Variants in TINAG observed in about 807,000 individuals in gnomAD.
TINAG encodes the protein tubulointerstitial nephritis antigen.
Under a neutral mutation model 72.7 loss-of-function variants are expected in TINAG, and 83 were observed. That is an observed-to-expected ratio of 1.14 (90% CI 0.96 to 1.37). The LOEUF is 1.37. Ranked by LOEUF, TINAG falls within the 40% of genes most tolerant of loss-of-function variation. The probability of loss-of-function intolerance (pLI) is 0.00; values close to 1 mark genes in which losing one functional copy is unlikely to be tolerated. For missense variants in TINAG, 685 were observed against 576.6 expected, an observed-to-expected ratio of 1.19 and a Z score of -1.93; for synonymous variants, 234 against 189.9, an observed-to-expected ratio of 1.23 and a Z score of -1.91.
chr6:54,376,502 T>C (rs916879443), intron 9 of TINAG, among the ~76,000 whole-genome samples: 1 of 152,134 alleles, frequency 6.6e-6, no homozygotes, highest in Non-Finnish European at 1.5e-5. Context: ...TCACTGGGTG[T>C]ATGGGCCTCA....
Position 54,347,535 on chromosome 6 carries a change from A to G in TINAG, c.899+18A>G, listed in dbSNP as rs757599327. The G allele has an allele frequency of 1.9e-6, 3 of 1,610,088 alleles. No individual in the cohort carries two copies. The highest frequency in any genetic ancestry group is 2.5e-6 in the Non-Finnish European group (3 of 1,177,892). ...AAACGTGGGTAAATAGCTGCTCAAC[A>G]TGTGTTTCTAGGATTTTTATGAATG... On this transcript the variant is annotated intron_variant, in intron 6 of 10. Coordinates refer to ENST00000259782, the MANE Select transcript of TINAG (RefSeq NM_014464.4).
At chr6:54,311,036 A>G (rs1244213289) in intron 1 of TINAG, among the ~76,000 whole-genome samples, 2 of 144,172 alleles carry the variant, frequency 1.4e-5, no homozygotes, top group Non-Finnish European at 3.0e-5. Context: ...TTTATGAGCC[A>G]TTCCCATCTT....
At chr6:54,331,540 A>C (rs1784742072) in intron 4 of TINAG, among the ~76,000 whole-genome samples, 2 of 152,216 alleles carry the variant, frequency 1.3e-5, no homozygotes, top group Non-Finnish European at 2.9e-5. Context: ...TCCCTTCGAA[A>C]ACTGGCCCAA....
chr6:54,332,343 A>G (rs1784761330), intron 4 of TINAG, among the ~76,000 whole-genome samples: 1 of 152,162 alleles, frequency 6.6e-6, no homozygotes, highest in African/African-American at 2.4e-5. Flanking sequence ...TCTTTGACAA[A>G]CCTGACAAAA....
intron 3 of TINAG, among the ~76,000 whole-genome samples, chr6:54,323,788 T>A (rs911536624): frequency 6.6e-6 from 1 of 152,132 alleles, no homozygotes; most frequent in African/African-American, 2.4e-5. Flanking sequence ...ACCCCATCTC[T>A]ACCAGAAATA....
chr6:54,383,125 A>G (rs1392667411), intron 10 of TINAG, among the ~76,000 whole-genome samples: 1 of 152,154 alleles, frequency 6.6e-6, no homozygotes, highest in Admixed American at 6.6e-5. Context: ...TTATCCCTTC[A>G]GATCAGATCA....
At chr6:54,343,903 TA>T (rs1482659437) in intron 5 of TINAG, among the ~76,000 whole-genome samples, 1 of 152,174 alleles carries the variant, frequency 6.6e-6, no homozygotes. Context: ...GAATAGCTTC[TA>T]AATTAAGTCT....
chr6:54,318,447 C>A (rs144710127), intron 1 of TINAG, among the ~76,000 whole-genome samples: 1 of 152,194 alleles, frequency 6.6e-6, no homozygotes, highest in African/African-American at 2.4e-5. Context: ...AGATTCAATC[C>A]ATGAGTGATT....
intron 1 of TINAG, among the ~76,000 whole-genome samples, chr6:54,319,864 T>C (rs565303377): frequency 6.6e-6 from 1 of 152,290 alleles, no homozygotes; most frequent in African/African-American, 2.4e-5. Flanking sequence ...GAGCAGATTA[T>C]ATTTTCAAAA....
At chr6:54,357,410 A>T (rs962009079) in intron 9 of TINAG, among the ~76,000 whole-genome samples, 1 of 151,944 alleles carries the variant, frequency 6.6e-6, no homozygotes, top group Non-Finnish European at 1.5e-5. Flanking sequence ...CCTGAACTCC[A>T]GACTCATACA....
intron 9 of TINAG, among the ~76,000 whole-genome samples, chr6:54,379,009 G>A (rs946116583): frequency 1.3e-5 from 2 of 151,944 alleles, no homozygotes; most frequent in Non-Finnish European, 2.9e-5. Flanking sequence ...ATTCTATTCT[G>A]TGCCCTATTA....
intron 9 of TINAG, among the ~76,000 whole-genome samples, chr6:54,357,747 G>T (rs958191225): frequency 2.6e-5 from 4 of 151,898 alleles, no homozygotes; most frequent in Admixed American, 2.0e-4. Flanking sequence ...CTGTTATTTT[G>T]TACCTGGATT....
intron 10 of TINAG, among the ~76,000 whole-genome samples, chr6:54,382,853 C>T (rs750412986): frequency 6.6e-6 from 1 of 152,016 alleles, no homozygotes; most frequent in Non-Finnish European, 1.5e-5. Context: ...TCCTCCTTTC[C>T]CAAAAGGAAG....
chr6:54,342,901 C>T (rs1785032210), intron 4 of TINAG, among the ~76,000 whole-genome samples: 1 of 152,136 alleles, frequency 6.6e-6, no homozygotes, highest in African/African-American at 2.4e-5. Context: ...ATTTGAATAA[C>T]ACCATGTGGT....
At chr6:54,356,413 T>C (rs1203411056) in intron 9 of TINAG, among the ~76,000 whole-genome samples, 2 of 151,850 alleles carry the variant, frequency 1.3e-5, no homozygotes, top group African/African-American at 2.4e-5. Context: ...TGCAGACACC[T>C]GTAATCCCAG....
intron 9 of TINAG, among the ~76,000 whole-genome samples, chr6:54,370,331 A>G (rs978148785): frequency 6.6e-6 from 1 of 152,096 alleles, no homozygotes; most frequent in African/African-American, 2.4e-5. Context: ...AAAAGAAAAG[A>G]TTACATGAAG....
chr6:54,345,297 A>G (rs963604844), intron 5 of TINAG, among the ~76,000 whole-genome samples: 6 of 152,128 alleles, frequency 3.9e-5, no homozygotes, highest in Admixed American at 3.3e-4. Flanking sequence ...ATGTCGGTAT[A>G]AGACCAACAT....
intron 1 of TINAG, among the ~76,000 whole-genome samples, chr6:54,314,393 A>G (rs1247269749): frequency 6.6e-6 from 1 of 152,154 alleles, no homozygotes; most frequent in Non-Finnish European, 1.5e-5. Flanking sequence ...TAGAGTTTCC[A>G]CATTTTGAGA....
At chr6:54,357,594 G>A (rs1482392224) in intron 9 of TINAG, among the ~76,000 whole-genome samples, 1 of 151,826 alleles carries the variant, frequency 6.6e-6, no homozygotes, top group Non-Finnish European at 1.5e-5. Flanking sequence ...TCTGCTGGAA[G>A]CCTTGGAGTC....
Sources: gnomAD v4.1 joint callset for allele counts (sites outside exome capture counted in the v4.1 genomes callset) on GRCh38, gnomAD v4.1.1 for gene constraint, MANE v1.5 for transcripts, NCBI Gene and HGNC (gene_info 2026-07-23, HGNC 2026-07-21) for gene names.